PHF24: variants seen among roughly 807,000 people sequenced by gnomAD.
PHF24 encodes the protein PHD finger protein 24, also known as Galpha inhibitory interacting protein.
PHF24 carries 25 observed loss-of-function variants against 42.6 expected under a neutral mutation model. The observed-to-expected ratio is 0.59, with a 90% CI of 0.43 to 0.82. The LOEUF (loss-of-function observed/expected upper bound fraction) is 0.82, where lower values mean the gene tolerates loss of function less well. PHF24 is among the 40% of genes least tolerant of loss of function. The pLI is 0.00. For missense variants in PHF24, 470 were observed against 538.1 expected, an observed-to-expected ratio of 0.87 and a Z score of 1.25; for synonymous variants, 185 against 204.8, an observed-to-expected ratio of 0.90 and a Z score of 0.83.
the PHF24 span, chr9:34,917,069 G>T: frequency 1.4e-6 from 1 of 691,284 alleles, no homozygotes. Context: ...GTGAAGAGCG[G>T]AGCGTGTGAG....
At chr9:34,899,470 C>T in the PHF24 span, among the ~76,000 whole-genome samples, 25 of 152,278 alleles carry the variant, frequency 1.6e-4, no homozygotes, top group South Asian at 2.5e-3. Flanking sequence ...ACAAGCCTTA[C>T]GAAAGAGCTT....
the PHF24 span, among the ~76,000 whole-genome samples, chr9:34,745,643 A>T: frequency 3.9e-3 from 583 of 150,486 alleles, 21 homozygotes; most frequent in Admixed American, 0.035. Flanking sequence ...TATGGGGGGT[A>T]AAGTTGTGGG....
At chr9:34,899,168 C>A in the PHF24 span, among the ~76,000 whole-genome samples, 3 of 152,256 alleles carry the variant, frequency 2.0e-5, no homozygotes, top group Admixed American at 6.5e-5. Flanking sequence ...ATTTGCCTTT[C>A]CTGCCTCGTG....
chr9:34,922,656 A>G, the PHF24 span: 2 of 1,143,966 alleles, frequency 1.7e-6, no homozygotes, highest in South Asian at 1.2e-5. Flanking sequence ...TCTCTTAGCT[A>G]GGTCTCAGTT....
the PHF24 span, chr9:34,729,409 C>A: frequency 5.8e-6 from 9 of 1,550,432 alleles, no homozygotes; most frequent in Non-Finnish European, 7.8e-6. Context: ...TCCCACAGAA[C>A]AAAAGTAGGG....
At chr9:34,882,820 A>G in the PHF24 span, among the ~76,000 whole-genome samples, 1 of 152,176 alleles carries the variant, frequency 6.6e-6, no homozygotes, top group Non-Finnish European at 1.5e-5. Flanking sequence ...TGCCATCCCC[A>G]TCAAGCTACC....
chr9:34,735,133 CTTTTT>C, the PHF24 span, among the ~76,000 whole-genome samples: 2 of 112,494 alleles, frequency 1.8e-5, no homozygotes, highest in African/African-American at 3.2e-5. Flanking sequence ...TTTCTTTTTT[CTTTTT>C]TTTTTTTTTT....
chr9:34,976,361 T>C, intron 4 of PHF24, 131 bp downstream of exon 4: 1 of 986,076 alleles, frequency 1.0e-6, no homozygotes, highest in Non-Finnish European at 1.6e-6. Flanking sequence ...TGTTCCTGAG[T>C]TGTTGGCCAG....
the PHF24 span, among the ~76,000 whole-genome samples, chr9:34,772,629 A>G: frequency 5.9e-5 from 9 of 152,244 alleles, no homozygotes; most frequent in African/African-American, 2.2e-4. Context: ...TGCACATTTA[A>G]TCTCAAAATT....
At chr9:34,680,552 G>A in the PHF24 span, among the ~76,000 whole-genome samples, 1 of 149,070 alleles carries the variant, frequency 6.7e-6, no homozygotes, top group Non-Finnish European at 1.5e-5. Context: ...GCCGGGCGTA[G>A]TGGCGGGCGC....
At chr9:34,908,105 T>C in the PHF24 span, among the ~76,000 whole-genome samples, 1 of 152,170 alleles carries the variant, frequency 6.6e-6, no homozygotes, top group Non-Finnish European at 1.5e-5. Context: ...CCTCCCAAAG[T>C]GCTGGGATTA....
At chr9:34,852,289 G>A in the PHF24 span, among the ~76,000 whole-genome samples, 4 of 152,152 alleles carry the variant, frequency 2.6e-5, no homozygotes, top group Non-Finnish European at 5.9e-5. Flanking sequence ...GTAGGCTATT[G>A]GTAAATTCTG....
chr9:34,966,588 C>G (rs894823786), intron 1 of PHF24, among the ~76,000 whole-genome samples: 2 of 151,840 alleles, frequency 1.3e-5, no homozygotes, highest in Admixed American at 6.6e-5. Flanking sequence ...AGACCCCCCC[C>G]CTCGCCCCAT....
the PHF24 span, among the ~76,000 whole-genome samples, chr9:34,754,669 GA>G: frequency 1.3e-5 from 2 of 152,018 alleles, no homozygotes; most frequent in Admixed American, 6.6e-5. Context: ...ACTAAAAATA[GA>G]ACTACCATAT....
chr9:34,768,888 T>C, the PHF24 span, among the ~76,000 whole-genome samples: 1 of 148,336 alleles, frequency 6.7e-6, no homozygotes, highest in Non-Finnish European at 1.5e-5. Flanking sequence ...CTACTACTAG[T>C]AGGTGGGGGG....
the PHF24 span, chr9:34,837,108 TC>T: frequency 2.1e-6 from 1 of 471,180 alleles, no homozygotes; most frequent in South Asian, 1.5e-5. Flanking sequence ...CTGATCTTCT[TC>T]CTGAGAAAGT....
the PHF24 span, among the ~76,000 whole-genome samples, chr9:34,913,347 C>T: frequency 6.6e-6 from 1 of 152,016 alleles, no homozygotes; most frequent in Non-Finnish European, 1.5e-5. Flanking sequence ...TCAGTGACCC[C>T]CCAAACAGGA....
chr9:34,828,388 C>G, the PHF24 span, among the ~76,000 whole-genome samples: 2 of 152,250 alleles, frequency 1.3e-5, no homozygotes, highest in African/African-American at 4.8e-5. Flanking sequence ...GTTTATCCCT[C>G]TCAACTGAAT....
chr9:34,788,100 T>C, the PHF24 span, among the ~76,000 whole-genome samples: 4 of 152,236 alleles, frequency 2.6e-5, no homozygotes, highest in South Asian at 8.3e-4. Flanking sequence ...TGCAGTGGTG[T>C]GATCATGGCT....
Sources: gnomAD v4.1 joint callset for allele counts (sites outside exome capture counted in the v4.1 genomes callset) on GRCh38, gnomAD v4.1.1 for gene constraint, MANE v1.5 for transcripts, NCBI Gene and HGNC (gene_info 2026-07-23, HGNC 2026-07-21) for gene names.